Variants in KCNQ4 observed in about 807,000 individuals in gnomAD.
KCNQ4 encodes the protein potassium voltage-gated channel subfamily KQT member 4.
In KCNQ4, 31 loss-of-function variants were observed where a neutral mutation model predicts 72.6. The ratio of observed to expected loss-of-function variants is 0.43; its 90% CI spans 0.32 to 0.58. The LOEUF (loss-of-function observed/expected upper bound fraction) is 0.58, where lower values mean the gene tolerates loss of function less well. KCNQ4 is among the 20% of genes least tolerant of loss of function. The probability of loss-of-function intolerance (pLI) is 0.08; values close to 1 mark genes in which losing one functional copy is unlikely to be tolerated. For missense variants in KCNQ4, 869 were observed against 962.6 expected, an observed-to-expected ratio of 0.90 and a Z score of 1.29; for synonymous variants, 405 against 403.7, an observed-to-expected ratio of 1.00 and a Z score of -0.04.
chr1:40,831,510 C>T (rs1210670699), intron 10 of KCNQ4, among the ~76,000 whole-genome samples: 6 of 152,172 alleles, frequency 3.9e-5, no homozygotes, highest in African/African-American at 1.2e-4. Context: ...TTGGGAATCA[C>T]GTGGAGGGTG....
intron 9 of KCNQ4, among the ~76,000 whole-genome samples, chr1:40,828,420 G>A (rs1274318417): frequency 6.6e-6 from 1 of 152,204 alleles, no homozygotes; most frequent in Non-Finnish European, 1.5e-5. Flanking sequence ...CCTACTAGAT[G>A]TCTACCTACT....
chr1:40,795,255 C>CTTT lies in KCNQ4; in HGVS notation c.314+10864_314+10866dup, dbSNP rs10632610. ...AACAGGGGGGTTGTGGTGGTTTTAC[C>CTTT]TTTTTTTTTTTTTTTTTTCCTTTTG... On this transcript the variant is annotated intron_variant, in intron 1 of 13. Transcript: ENST00000347132. Among the ~76,000 whole-genome samples, 249 of 128,424 alleles carry CTTT rather than the reference C, an allele frequency of 1.9e-3. 2 individuals carry two copies. Among genetic ancestry groups the CTTT allele is most frequent in the East Asian group, 6.3e-3 (27 of 4,288 alleles). 84.3% of individuals were successfully genotyped at this position (128,424 alleles called of 152,430 possible). A position where few individuals can be genotyped will look rare whatever the true frequency, so the allele number is the denominator to read the frequency against.
intron 12 of KCNQ4, among the ~76,000 whole-genome samples, chr1:40,836,857 G>A (rs1570855449): frequency 6.6e-6 from 1 of 152,138 alleles, no homozygotes; most frequent in South Asian, 2.1e-4. Context: ...TGGTGAAATG[G>A]CAGGGGTGAA....
intron 9 of KCNQ4, among the ~76,000 whole-genome samples, chr1:40,826,215 C>G (rs1169423957): frequency 6.6e-6 from 1 of 152,224 alleles, no homozygotes; most frequent in African/African-American, 2.4e-5. Flanking sequence ...GCCAAGTGTG[C>G]CCACAGGAAG....
At chr1:40,824,524 G>A (rs565123368) in intron 9 of KCNQ4, among the ~76,000 whole-genome samples, 61 of 152,290 alleles carry the variant, frequency 4.0e-4, no homozygotes, top group African/African-American at 9.4e-4. Flanking sequence ...CATCTCCTCC[G>A]TTCATGGCAT....
intron 1 of KCNQ4, among the ~76,000 whole-genome samples, chr1:40,815,778 T>G (rs993040121): frequency 3.3e-5 from 5 of 152,146 alleles, no homozygotes; most frequent in Admixed American, 2.6e-4. Context: ...GCCCTTTGCA[T>G]GTCTTCCTTC....
chr1:40,806,084 G>A (rs7547292), intron 1 of KCNQ4, among the ~76,000 whole-genome samples: 27,598 of 152,096 alleles, frequency 0.18, 2,925 homozygotes, highest in Middle Eastern at 0.25. Flanking sequence ...CTCGTGATCC[G>A]CCTGCCTCAG....
chr1:40,815,287 C>G (rs1006913204), intron 1 of KCNQ4, among the ~76,000 whole-genome samples: 2 of 151,548 alleles, frequency 1.3e-5, no homozygotes, highest in African/African-American at 4.8e-5. Flanking sequence ...ATGAAACATT[C>G]AAGAAGAAGT....
intron 1 of KCNQ4, among the ~76,000 whole-genome samples, chr1:40,804,642 C>A (rs12402241): frequency 0.34 from 51,972 of 151,268 alleles, 9,147 homozygotes; most frequent in Non-Finnish European, 0.39. Context: ...ATGGGGAGAC[C>A]CTGTCTCTAC....
intron 1 of KCNQ4, among the ~76,000 whole-genome samples, chr1:40,793,334 C>A (rs1468896268): frequency 6.6e-6 from 1 of 152,158 alleles, no homozygotes; most frequent in Non-Finnish European, 1.5e-5. Flanking sequence ...AAACCTGCCT[C>A]TGTGGCTTTT....
rs779125798 is a variant in KCNQ4 at position 40,784,401 on chromosome 1, T to C, written c.308T>C (p.Val103Ala). The C allele has an allele frequency of 1.2e-6, 2 of 1,608,152 alleles. No individual in the cohort carries two copies. The highest frequency in any genetic ancestry group is 3.3e-5 in the Admixed American group (2 of 59,958). ...RPRGWAFVYH[V>A]FIFLLVFSCL... ...CGCGGCTGGGCCTTCGTCTACCACG[T>C]CTTCATGTGAGTTTGCGACCCCGCG... Residue 103 changes from valine (V) to alanine (A), a missense_variant, in exon 1 of 14, where the codon GTC becomes GCC. Val to Ala is a moderately conservative substitution (Grantham distance 64, BLOSUM62 0). Transcript: ENST00000347132. This position sits in a 1 kb window ranked among gnomAD's most constrained non-coding sequence, Gnocchi z 4.1.
chr1:40,822,167 C>G (rs1021653466), intron 7 of KCNQ4, 147 bp from the exon 8 acceptor site: 1 of 695,788 alleles, frequency 1.4e-6, no homozygotes, highest in African/African-American at 1.8e-5. Context: ...CTTGGCTGCC[C>G]CTGTCAGTGG....
chr1:40,838,151 C>G (rs2148334879), intron 13 of KCNQ4, among the ~76,000 whole-genome samples, 160 bp from the exon 14 acceptor site: 1 of 152,272 alleles, frequency 6.6e-6, no homozygotes, highest in Admixed American at 6.5e-5. Flanking sequence ...AGCTTCGCCC[C>G]TCGCTCTAGC....
rs1647237172 is a variant in KCNQ4 at position 40,789,299 on chromosome 1, G to C, written c.314+4892G>C. On this transcript the variant is annotated intron_variant, in intron 1 of 13. Coordinates refer to ENST00000347132, the MANE Select transcript of KCNQ4 (RefSeq NM_004700.4). The stretch of plus-strand genomic sequence containing the variant: ...CTACTCATCCAAGGTCACACCTAGT[G>C]AGTTAGTGGAGAACTGTGCCAGGAA... Among the ~76,000 whole-genome samples the C allele has an allele frequency of 2.6e-5, 4 of 152,184 alleles. No homozygotes were observed. The South Asian group carries it at 8.3e-4, about 32-fold the overall frequency.
intron 12 of KCNQ4, 34 bp downstream of exon 12, chr1:40,835,132 A>C (rs1648773682): frequency 6.2e-7 from 1 of 1,606,138 alleles, no homozygotes; most frequent in Non-Finnish European, 8.5e-7. Context: ...AGGCAGGGGC[A>C]GGGAGGCAGC....
rs142453905 is a variant in KCNQ4 at position 40,831,116 on chromosome 1, T to C, written c.1325T>C (p.Met442Thr). Residue 442 changes from methionine (M) to threonine (T), a missense_variant, in exon 10 of 14, where the codon ATG (methionine) becomes ACG (threonine). Met to Thr is a moderately conservative substitution (Grantham distance 81, BLOSUM62 -1). Transcript: ENST00000347132. ...ATGGGCATCAAAGACCGCATCCGCA[T>C]GGGCAGCTCCCAGCGGCGGACGGGT... The part of the protein sequence containing the change: ...SRMGIKDRIR[M>T]GSSQRRTGPS... 1.9e-4 allele frequency: 300 copies of C among 1,607,644 alleles called. No homozygotes were observed. Among genetic ancestry groups the C allele is most frequent in the Admixed American group, 2.5e-4 (15 of 59,376 alleles).
chr1:40,790,235 A>G (rs935684714), intron 1 of KCNQ4, among the ~76,000 whole-genome samples: 1 of 152,224 alleles, frequency 6.6e-6, no homozygotes, highest in Non-Finnish European at 1.5e-5. Flanking sequence ...AAATGGGAGT[A>G]ATCATAATAC....
Position 40,837,739 on chromosome 1 carries a change from C to T in KCNQ4, c.1820C>T (p.Ala607Val). The T allele has an allele frequency of 6.2e-7, 1 of 1,612,634 alleles. No individual in the cohort carries two copies. Among genetic ancestry groups the T allele is most frequent in the Non-Finnish European group, 8.5e-7 (1 of 1,179,470 alleles). The change falls in exon 13 of 14, where the codon GCG (alanine) becomes GTG (valine). Residue 607 changes from alanine (A) to valine (V), a missense_variant. Transcript: ENST00000347132. The part of the protein sequence containing the change: ...REKGDKGPSD[A>V]EVVDEISMMG... ...AAGGGCGACAAGGGGCCCTCCGACG[C>T]GGAGGTGGTGGATGAAATCAGCATG...
intron 1 of KCNQ4, among the ~76,000 whole-genome samples, chr1:40,809,125 C>T (rs1647851287): frequency 6.6e-6 from 1 of 152,206 alleles, no homozygotes; most frequent in Non-Finnish European, 1.5e-5. Context: ...TCTACTCCCG[C>T]TTTGAAACAT....
Sources: gnomAD v4.1 joint callset for allele counts (sites outside exome capture counted in the v4.1 genomes callset) on GRCh38, gnomAD v4.1.1 for gene constraint, Gnocchi (gnomAD v3.1) non-coding constraint, MANE v1.5 for transcripts, NCBI Gene and HGNC (gene_info 2026-07-23, HGNC 2026-07-21) for gene names.